STK33: variants seen among roughly 807,000 people sequenced by gnomAD.
STK33 encodes serine/threonine-protein kinase 33.
Under a neutral mutation model 58.0 loss-of-function variants are expected in STK33, and 52 were observed. The ratio of observed to expected loss-of-function variants is 0.90; its 90% CI spans 0.72 to 1.13. The LOEUF (loss-of-function observed/expected upper bound fraction) is 1.13, where lower values mean the gene tolerates loss of function less well. Among genes scored for constraint, STK33 ranks in the 50% most tolerant of loss-of-function variants. STK33 has a pLI of 0.00. For synonymous variants in STK33, 215 were observed against 200.1 expected, an observed-to-expected ratio of 1.07 and a Z score of -0.63; for missense variants, 630 against 604.2, an observed-to-expected ratio of 1.04 and a Z score of -0.45.
At chr11:8,499,623 T>A (rs1951349970) in intron 1 of STK33, among the ~76,000 whole-genome samples, 1 of 152,188 alleles carries the variant, frequency 6.6e-6, no homozygotes, top group Non-Finnish European at 1.5e-5. Context: ...CATGCACACG[T>A]AGGTTTATTG....
At chr11:8,373,631 C>A in the STK33 span, among the ~76,000 whole-genome samples, 2 of 152,230 alleles carry the variant, frequency 1.3e-5, no homozygotes, top group Non-Finnish European at 2.9e-5. Flanking sequence ...TGGTCCTCAG[C>A]GGCATCACCA....
chr11:8,403,006 C>G (rs1349398421), intron 15 of STK33, among the ~76,000 whole-genome samples: 3 of 152,050 alleles, frequency 2.0e-5, no homozygotes, highest in African/African-American at 7.2e-5. Context: ...TAAGATCTTC[C>G]AGGTCAGGAA....
At chr11:8,434,733 T>C (rs1282441575) in intron 14 of STK33, among the ~76,000 whole-genome samples, 1 of 152,128 alleles carries the variant, frequency 6.6e-6, no homozygotes, top group African/African-American at 2.4e-5. Flanking sequence ...AGGAAGGACA[T>C]GAGAAATGCC....
intron 15 of STK33, among the ~76,000 whole-genome samples, chr11:8,399,435 A>G (rs1398169021): frequency 6.6e-6 from 1 of 152,194 alleles, no homozygotes; most frequent in Admixed American, 6.5e-5. Flanking sequence ...CAAAGACACA[A>G]TATACCAGAA....
chr11:8,458,439 G>T (rs1947141166), intron 8 of STK33, among the ~76,000 whole-genome samples: 2 of 147,184 alleles, frequency 1.4e-5, no homozygotes, highest in Middle Eastern at 7.3e-3. Flanking sequence ...AAAAAAAACA[G>T]GTAGCAGGCC....
At chr11:8,493,709 G>T (rs1950824448) in intron 1 of STK33, among the ~76,000 whole-genome samples, 1 of 152,118 alleles carries the variant, frequency 6.6e-6, no homozygotes, top group East Asian at 1.9e-4. Context: ...TAAAATACTG[G>T]CAAACTGAAT....
At chr11:8,492,135 A>G (rs192857162) in intron 1 of STK33, among the ~76,000 whole-genome samples, 1 of 152,338 alleles carries the variant, frequency 6.6e-6, no homozygotes, top group Non-Finnish European at 1.5e-5. Context: ...CCCCAATTAA[A>G]AGACACAGAC....
At chr11:8,495,987 T>A (rs1032832204) in intron 1 of STK33, among the ~76,000 whole-genome samples, 5 of 151,908 alleles carry the variant, frequency 3.3e-5, no homozygotes, top group African/African-American at 1.2e-4. Context: ...TTAGGAGAAA[T>A]ACCTAATGTA....
intron 6 of STK33, among the ~76,000 whole-genome samples, 165 bp downstream of exon 6, chr11:8,472,998 T>C (rs956957760): frequency 1.3e-5 from 2 of 152,226 alleles, no homozygotes; most frequent in African/African-American, 2.4e-5. Flanking sequence ...AGATAATTAA[T>C]CTGTATTTTC....
chr11:8,357,624 C>A, the STK33 span, among the ~76,000 whole-genome samples: 1 of 152,208 alleles, frequency 6.6e-6, no homozygotes, highest in Non-Finnish European at 1.5e-5. Context: ...GGGGCAGGAG[C>A]CTGCTGCAGG....
chr11:8,445,338 G>C (rs1230047539), intron 11 of STK33, among the ~76,000 whole-genome samples: 2 of 152,170 alleles, frequency 1.3e-5, no homozygotes, highest in Non-Finnish European at 2.9e-5. Flanking sequence ...GAGACAATTT[G>C]ACTTCCTCTC....
intron 1 of STK33, among the ~76,000 whole-genome samples, chr11:8,544,382 CATATTTATCCTT>C (rs1955756980): frequency 1.4e-5 from 2 of 145,720 alleles, no homozygotes; most frequent in Non-Finnish European, 3.0e-5. Flanking sequence ...ATATATATTC[CATATTTATCCTT>C]AACTGTCATG....
intron 14 of STK33, among the ~76,000 whole-genome samples, chr11:8,416,080 C>A (rs1021347762): frequency 6.6e-6 from 1 of 152,158 alleles, no homozygotes; most frequent in African/African-American, 2.4e-5. Flanking sequence ...ACATAGACAG[C>A]AAAGTGTGTA....
chr11:8,461,975 GTTATT>G (rs2137295465), intron 7 of STK33, 66 bp from the exon 8 acceptor site: 1 of 1,238,808 alleles, frequency 8.1e-7, no homozygotes. Flanking sequence ...TGATAGAAAA[GTTATT>G]TTATGTTTTC....
the STK33 span, among the ~76,000 whole-genome samples, chr11:8,356,251 C>A: frequency 6.6e-6 from 1 of 152,188 alleles, no homozygotes; most frequent in African/African-American, 2.4e-5. Flanking sequence ...GGAAATCCAC[C>A]CAGGAGCATC....
At chr11:8,572,952 C>CT (rs972609263) in intron 1 of STK33, among the ~76,000 whole-genome samples, 2 of 150,976 alleles carry the variant, frequency 1.3e-5, no homozygotes, top group Non-Finnish European at 3.0e-5. Flanking sequence ...ATTCTTAATA[C>CT]TTTTTTTTTC....
chr11:8,469,946 T>C (rs1948614591), intron 6 of STK33, among the ~76,000 whole-genome samples: 2 of 152,238 alleles, frequency 1.3e-5, no homozygotes, highest in South Asian at 4.1e-4. Context: ...ATTCAGGCTT[T>C]GTTGTTTTAT....
chr11:8,385,175 T>C, the STK33 span, among the ~76,000 whole-genome samples: 1 of 152,248 alleles, frequency 6.6e-6, no homozygotes, highest in Admixed American at 6.5e-5. Context: ...TTTCTCTCCA[T>C]CTTCTCTGCC....
At chr11:8,356,740 C>T in the STK33 span, among the ~76,000 whole-genome samples, 5 of 152,154 alleles carry the variant, frequency 3.3e-5, no homozygotes, top group East Asian at 1.9e-4. Context: ...CCCTCATCTC[C>T]GCTGGCTTTG....
Sources: allele counts gnomAD v4.1 joint callset (sites outside exome capture counted in the v4.1 genomes callset), GRCh38; gene constraint gnomAD v4.1.1; transcripts MANE v1.5; gene names NCBI Gene and HGNC (gene_info 2026-07-23, HGNC 2026-07-21).